The following FILIP1L variants were observed in gnomAD, a reference collection of about 807,000 sequenced individuals.
The protein encoded by FILIP1L is filamin A interacting protein 1 like.
A neutral mutation model predicts 96.6 loss-of-function variants in FILIP1L; 55 were observed. That is an observed-to-expected ratio of 0.57 (90% CI 0.46 to 0.71). The LOEUF is 0.71. FILIP1L is among the 30% of genes least tolerant of loss of function. FILIP1L has a pLI of 0.00. For synonymous variants in FILIP1L, 467 were observed against 473.9 expected, an observed-to-expected ratio of 0.99 and a Z score of 0.19; for missense variants, 1,304 against 1,321.2, an observed-to-expected ratio of 0.99 and a Z score of 0.20.
intron 4 of FILIP1L, among the ~76,000 whole-genome samples, chr3:99,883,242 C>T (rs1705786708): frequency 6.6e-6 from 1 of 152,198 alleles, no homozygotes; most frequent in Non-Finnish European, 1.5e-5. Context: ...AAGTCCATTC[C>T]ATTCCAAACT....
At chr3:99,965,852 G>C (rs930350768) in intron 1 of FILIP1L, among the ~76,000 whole-genome samples, 1 of 152,068 alleles carries the variant, frequency 6.6e-6, no homozygotes, top group Non-Finnish European at 1.5e-5. Context: ...TGCCCAGCCC[G>C]CAGCCACTGG....
intron 5 of FILIP1L, among the ~76,000 whole-genome samples, chr3:99,835,499 T>C (rs1942860063): frequency 6.6e-6 from 1 of 152,238 alleles, no homozygotes; most frequent in African/African-American, 2.4e-5. Flanking sequence ...GAGCACCTAC[T>C]ATGAGCACTA....
chr3:99,865,644 G>A (rs1944475704), intron 4 of FILIP1L, among the ~76,000 whole-genome samples: 1 of 152,018 alleles, frequency 6.6e-6, no homozygotes, highest in Non-Finnish European at 1.5e-5. Context: ...CAGAGGTGGT[G>A]GGTTTGTCAT....
chr3:100,047,671 C>T (rs957701618), intron 1 of FILIP1L, among the ~76,000 whole-genome samples: 1 of 152,144 alleles, frequency 6.6e-6, no homozygotes, highest in Admixed American at 6.5e-5. Flanking sequence ...TTCTGGAAGC[C>T]TCACTGTATG....
chr3:99,913,866 A>C (rs928361208), intron 4 of FILIP1L, among the ~76,000 whole-genome samples: 5 of 152,236 alleles, frequency 3.3e-5, no homozygotes, highest in Admixed American at 2.6e-4. Context: ...GTTTCTTCTG[A>C]AACATCTTCT....
chr3:100,062,818 C>T (rs2065597217), intron 1 of FILIP1L, among the ~76,000 whole-genome samples: 1 of 152,348 alleles, frequency 6.6e-6, no homozygotes, highest in African/African-American at 2.4e-5. Flanking sequence ...AGCCTCCTCC[C>T]CTCCAGCCTG....
rs1020246705 is a variant in FILIP1L at position 99,853,066 on chromosome 3, C to T, written c.606-1996G>A. Among the ~76,000 whole-genome samples, 12 of 152,192 alleles carry T rather than the reference C, an allele frequency of 7.9e-5. No individual in the cohort carries two copies. The East Asian group carries it at 1.5e-3, about 20-fold the overall frequency. The stretch of plus-strand genomic sequence containing the variant: ...AAAAGGCTTGCCCATGGTTTCTGGC[C>T]ATGCCCCATCCCTATCTGAGACACA... On this transcript the variant is annotated intron_variant, in intron 4 of 5. Coordinates refer to ENST00000477258, the MANE Select transcript of FILIP1L (RefSeq NM_001387850.1).
rs1399730419 is a variant in FILIP1L at position 99,983,506 on chromosome 3, A to G, written c.-10-52476T>C. Among the ~76,000 whole-genome samples, 73 of 97,824 alleles carry G rather than the reference A, an allele frequency of 7.5e-4. No homozygotes were observed. In the South Asian group the frequency reaches 0.011, roughly 15 times the overall value. 64.2% of individuals were successfully genotyped at this position (97,824 alleles called of 152,430 possible). ...TATATATATATATATATATATATAT[A>G]TATGTATATATATACACACACAAAA... On this transcript the variant is annotated intron_variant, in intron 1 of 5. Transcript: ENST00000477258.
intron 5 of FILIP1L, among the ~76,000 whole-genome samples, chr3:99,840,968 T>C (rs1943105556): frequency 6.6e-6 from 1 of 152,252 alleles, no homozygotes; most frequent in South Asian, 2.1e-4. Context: ...TTAAATGTTG[T>C]CTGATACTCT....
Position 99,848,318 on chromosome 3 carries a change from G to A in FILIP1L, c.3358C>T (p.Leu1120Phe). 6.2e-7 allele frequency: 1 copy of A among 1,614,124 alleles called. No homozygotes were observed. Among genetic ancestry groups the A allele is most frequent in the Non-Finnish European group, 8.5e-7 (1 of 1,179,996 alleles). The change falls in exon 5 of 6, where the codon CTT becomes TTT. Residue 1120 changes from leucine to phenylalanine, a missense_variant. Physicochemically the swap from Leu to Phe is conservative, Grantham distance 22 (BLOSUM62 0). Transcript: ENST00000477258. The part of the protein sequence containing the change: ...SITITPTATP[L>F]PRQSQITIKE... ...ACTGTAATTTGTGATTGTCGAGGAA[G>A]AGGTGTGGCTGTTGGTGTGATAGTA...
At chr3:99,931,263 C>T (rs1041854449) in intron 1 of FILIP1L, among the ~76,000 whole-genome samples, 2 of 152,096 alleles carry the variant, frequency 1.3e-5, no homozygotes, top group Non-Finnish European at 2.9e-5. Flanking sequence ...TTGATTAAGG[C>T]CACTTATGTC....
chr3:100,101,435 G>A (rs1457785118), intron 1 of FILIP1L, among the ~76,000 whole-genome samples: 3 of 152,080 alleles, frequency 2.0e-5, no homozygotes, highest in Non-Finnish European at 4.4e-5. Context: ...AAAGTAGATC[G>A]GGTTAGAAGA....
chr3:100,102,198 C>T lies in FILIP1L; in HGVS notation c.-11+11855G>A, dbSNP rs183930469. On this transcript the variant is annotated intron_variant, in intron 1 of 5. Coordinates refer to ENST00000477258, the MANE Select transcript of FILIP1L (RefSeq NM_001387850.1). ...CTAGATCCCTGAGGAATCACCACAC[C>T]GACTTCCACAATGGTTGAACTAGTT... Among the ~76,000 whole-genome samples the T allele has an allele frequency of 4.6e-5, 7 of 152,242 alleles. No individual in the cohort carries two copies. The East Asian group carries it at 5.8e-4, about 13-fold the overall frequency.
chr3:99,972,516 G>C (rs887697795), intron 1 of FILIP1L, among the ~76,000 whole-genome samples: 10 of 152,074 alleles, frequency 6.6e-5, no homozygotes, highest in African/African-American at 2.2e-4. Context: ...TTGGTGACAC[G>C]GCCTCATTTT....
chr3:100,043,212 C>T (rs575945093), intron 1 of FILIP1L, among the ~76,000 whole-genome samples: 17 of 152,310 alleles, frequency 1.1e-4, no homozygotes, highest in African/African-American at 4.1e-4. Context: ...TCATTCTTTA[C>T]TGTGTTGTGC....
chr3:99,842,011 A>G (rs1370742702), intron 5 of FILIP1L, among the ~76,000 whole-genome samples: 1 of 152,234 alleles, frequency 6.6e-6, no homozygotes, highest in Non-Finnish European at 1.5e-5. Flanking sequence ...AAGTCATTAT[A>G]TGAAAAAGAT....
intron 1 of FILIP1L, among the ~76,000 whole-genome samples, chr3:100,071,213 A>G (rs908837640): frequency 6.6e-6 from 1 of 151,862 alleles, no homozygotes; most frequent in African/African-American, 2.4e-5. Context: ...GAGAAAAGAA[A>G]TTAGATTTTA....
chr3:99,930,769 C>G lies in FILIP1L; in HGVS notation c.252G>C (p.Gln84His), dbSNP rs1707452519. ...TGGGGATAACTCCAACCCAGCTGAC[C>G]TGCAGTTCTCCCTCCAGAATGCTGA... ...FLLSILEGEL[Q>H]ARDEVIGILK... is the part of the protein sequence containing the mutation. The change falls in exon 2 of 6, where the codon CAG (glutamine) becomes CAC (histidine). Residue 84 changes from glutamine (Q) to histidine (H), a missense_variant and splice_region_variant. Physicochemically the swap from Gln to His is conservative, Grantham distance 24 (BLOSUM62 0). Coordinates refer to ENST00000477258, the MANE Select transcript of FILIP1L (RefSeq NM_001387850.1). 5 of 1,613,024 alleles carry G rather than the reference C, an allele frequency of 3.1e-6. No homozygotes were observed. Among genetic ancestry groups the G allele is most frequent in the Non-Finnish European group, 4.2e-6 (5 of 1,179,668 alleles).
chr3:100,039,208 G>A (rs910381547), intron 1 of FILIP1L, among the ~76,000 whole-genome samples: 2 of 152,136 alleles, frequency 1.3e-5, no homozygotes, highest in African/African-American at 4.8e-5. Flanking sequence ...AAACCATTAT[G>A]CATTTTATCT....
Sources: gnomAD v4.1 joint callset for allele counts (sites outside exome capture counted in the v4.1 genomes callset) on GRCh38, gnomAD v4.1.1 for gene constraint, MANE v1.5 for transcripts, NCBI Gene and HGNC (gene_info 2026-07-23, HGNC 2026-07-21) for gene names.